The following RET variants were observed in gnomAD, a reference collection of about 807,000 sequenced individuals.
RET encodes the protein proto-oncogene tyrosine-protein kinase receptor Ret.
Under a neutral mutation model 118.3 loss-of-function variants are expected in RET, and 19 were observed. The ratio of observed to expected loss-of-function variants is 0.16; its 90% confidence interval spans 0.11 to 0.24. RET has a LOEUF of 0.24. RET is among the 10% of genes least tolerant of loss of function. The pLI is 1.00. For synonymous variants in RET, 597 were observed against 644.1 expected, an observed-to-expected ratio of 0.93 and a Z score of 1.11; for missense variants, 1,219 against 1,502.1, an observed-to-expected ratio of 0.81 and a Z score of 3.12.
chr10:43,118,656 C>T (rs931741073), intron 13 of RET, among the ~76,000 whole-genome samples, 176 bp downstream of exon 13: 4 of 152,220 alleles, frequency 2.6e-5, no homozygotes, highest in Non-Finnish European at 5.9e-5. Flanking sequence ...GCTGAGTCCA[C>T]GGGCTGAGTG....
In RET at chr10:43,130,155, T is replaced by G. The variant is rs1019095754; in HGVS notation, c.*1886T>G. ...TATAAAAGTCCCCATCCTTATTAGC[T>G]CTACTGGAATTTTCATACACGTAAA... On this transcript the variant is annotated 3_prime_UTR_variant, in exon 20 of 20. Coordinates refer to ENST00000355710, the MANE Select transcript of RET (RefSeq NM_020975.6). 1.3e-5 allele frequency: 5 copies of G among 397,288 alleles called. No homozygotes were observed. The highest frequency in any genetic ancestry group is 2.8e-4 in the South Asian group (2 of 7,244). 24.6% of individuals were successfully genotyped at this position (397,288 alleles called of 1,614,324 possible). A position where few individuals can be genotyped will look rare whatever the true frequency, so the allele number is the denominator to read the frequency against.
At chr10:43,091,843 A>G (rs1554816761) in intron 1 of RET, among the ~76,000 whole-genome samples, 41 of 136,018 alleles carry the variant, frequency 3.0e-4, no homozygotes, top group African/African-American at 1.1e-3. Flanking sequence ...AAAAAAAAAA[A>G]GAACCAGTGT....
intron 6 of RET, among the ~76,000 whole-genome samples, chr10:43,110,674 T>C (rs1275111988): frequency 6.6e-6 from 1 of 152,110 alleles, no homozygotes; most frequent in Non-Finnish European, 1.5e-5. Flanking sequence ...TGGTCCTGCA[T>C]GGGCTGGGGC....
intron 19 of RET, among the ~76,000 whole-genome samples, chr10:43,127,691 A>G (rs1312654577): frequency 2.0e-5 from 3 of 151,894 alleles, no homozygotes; most frequent in East Asian, 3.9e-4. Flanking sequence ...CTCGATTTGG[A>G]AGGTCCTCTT....
At chr10:43,105,982 C>T (rs901895177) in intron 4 of RET, among the ~76,000 whole-genome samples, 2 of 152,140 alleles carry the variant, frequency 1.3e-5, no homozygotes, top group African/African-American at 2.4e-5. Context: ...TCGGCTCTGC[C>T]GGCTGTTCCT....
At chr10:43,113,776 A>G in intron 10 of RET, 101 bp downstream of exon 10, 1 of 1,522,332 alleles carries the variant, frequency 6.6e-7, no homozygotes, top group Non-Finnish European at 8.9e-7. Context: ...CTGGGAGGCG[A>G]GTGGGCCCCA....
intron 17 of RET, 33 bp downstream of exon 17, chr10:43,123,841 T>A (rs372837550): frequency 1.8e-4 from 286 of 1,613,386 alleles, no homozygotes; most frequent in Non-Finnish European, 2.4e-4. Flanking sequence ...CCAGCCTCAC[T>A]TGGGAAGGGA....
chr10:43,121,720 C>T (rs1356654670), intron 15 of RET, among the ~76,000 whole-genome samples: 1 of 152,214 alleles, frequency 6.6e-6, no homozygotes, highest in Non-Finnish European at 1.5e-5. Context: ...CCCTGTGTGC[C>T]TGTGGGTGGG....
chr10:43,111,292 G>C lies in RET; in HGVS notation c.1349G>C (p.Ser450Thr), dbSNP rs2132768628. Residue 450 changes from serine (S) to threonine (T), a missense_variant, in exon 7 of 20, where the codon AGC (serine) becomes ACC (threonine). Physicochemically the swap from Ser to Thr is moderately conservative, Grantham distance 58. Around this residue, in one of 5 missense-constraint regions of RET, gnomAD observed 850 missense variants for 969.6 expected, o/e 0.88. Coordinates refer to ENST00000355710, the MANE Select transcript of RET (RefSeq NM_020975.6). ...CTGCATTCCTCTGGTGCCAACTGCA[G>C]CACGCTAGGGGTGGTCACCTCAGCC... ...YKLHSSGANC[S>T]TLGVVTSAED... 1 of 1,614,184 alleles carries C rather than the reference G, an allele frequency of 6.2e-7. No homozygotes were observed. Among genetic ancestry groups the C allele is most frequent in the South Asian group, 1.1e-5 (1 of 91,086 alleles).
intron 11 of RET, among the ~76,000 whole-genome samples, chr10:43,115,323 A>G (rs1438504050): frequency 2.6e-5 from 4 of 152,200 alleles, no homozygotes; most frequent in Non-Finnish European, 5.9e-5. Context: ...CCCAGTGGCC[A>G]CAGGGCCCTG....
chr10:43,084,022 T>C (rs1404610523), intron 1 of RET, among the ~76,000 whole-genome samples: 1 of 152,230 alleles, frequency 6.6e-6, no homozygotes, highest in Non-Finnish European at 1.5e-5. Context: ...TGGACTGTTG[T>C]CTGGCTTCAC....
At chr10:43,104,802 C>T in intron 3 of RET, 150 bp from the exon 4 acceptor site, 1 of 1,202,528 alleles carries the variant, frequency 8.3e-7, no homozygotes. Context: ...GTGCTCCGAG[C>T]GCTGCCCTCC....
In RET at chr10:43,081,705, TCCATGAC is replaced by T. The variant is rs541548464; in HGVS notation, c.73+4378_73+4384del. Among the ~76,000 whole-genome samples the T allele has an allele frequency of 9.2e-5, 14 of 152,044 alleles. No individual in the cohort carries two copies. The East Asian group carries it at 2.7e-3, about 29-fold the overall frequency. On this transcript the variant is annotated intron_variant, in intron 1 of 19. Coordinates refer to ENST00000355710, the MANE Select transcript of RET (RefSeq NM_020975.6). The stretch of plus-strand genomic sequence containing the variant: ...GGTCAAATGGGGAGGTCCCTTGGGG[TCCATGAC>T]CCAGGCACTGCACCCCTTGGGGCTG...
chr10:43,086,713 G>A (rs531652756), intron 1 of RET, among the ~76,000 whole-genome samples: 5 of 152,364 alleles, frequency 3.3e-5, no homozygotes, highest in South Asian at 2.1e-4. Flanking sequence ...CATAGAAGCC[G>A]GAAGCAACTG....
At position 43,126,931 on chromosome 10, in the gene RET, G is replaced by A. The variant is rs1161393872; in HGVS notation, c.3187+209G>A. 2.8e-6 allele frequency: 4 copies of A among 1,433,678 alleles called. No individual in the cohort carries two copies. In the African/African-American group the frequency reaches 5.7e-5, roughly 21 times the overall value. 88.8% of individuals were successfully genotyped at this position (1,433,678 alleles called of 1,614,324 possible). A position where few individuals can be genotyped will look rare whatever the true frequency, so the allele number is the denominator to read the frequency against. ...TTTTTCTAAAAGGATGTGAAAATAAGTGTAATTACCACATTGCCCAGCAAC... is the reference window on the plus strand; with the variant it reads ...TTTTTCTAAAAGGATGTGAAAATAAATGTAATTACCACATTGCCCAGCAAC... On this transcript the variant is annotated intron_variant, in intron 19 of 19. Transcript: ENST00000355710.
intron 19 of RET, chr10:43,127,446 A>G: frequency 9.5e-7 from 1 of 1,052,652 alleles, no homozygotes; most frequent in Non-Finnish European, 1.1e-6. Context: ...TACAATGGAC[A>G]GTAAATATGG....
At position 43,123,082 on chromosome 10, in the gene RET, C is replaced by T. The variant is rs138235262; in HGVS notation, c.2802-589C>T. ...CCTCTGGCTGCCCTCTGGTGTGCTCCGTGGTGTGCACATGTATGCTTTTTA... is the reference window on the plus strand; with the variant it reads ...CCTCTGGCTGCCCTCTGGTGTGCTCTGTGGTGTGCACATGTATGCTTTTTA... On this transcript the variant is annotated intron_variant, in intron 16 of 19. Transcript: ENST00000355710. 1.0e-3 allele frequency among the ~76,000 whole-genome samples: 158 copies of T among 152,276 alleles called. No homozygotes were observed. The Middle Eastern group carries it at 0.017, about 16-fold the overall frequency.
Position 43,102,434 on chromosome 10 carries a change from C to T in RET, c.430C>T (p.Arg144Cys), listed in dbSNP as rs1588863984. Reference sequence around the variant, plus strand: ...CGAGTGCCAGTGGCCAGGCTGTGCCCGCGTATACTTCTCCTTCTTCAACAC... The same window carrying T: ...CGAGTGCCAGTGGCCAGGCTGTGCCTGCGTATACTTCTCCTTCTTCAACAC... ...EGECQWPGCA[R>C]VYFSFFNTSF... Residue 144 changes from arginine (R) to cysteine (C), a missense_variant, in exon 3 of 20, where the codon CGC becomes TGC. Transcript: ENST00000355710. 4 of 1,614,136 alleles carry T rather than the reference C, an allele frequency of 2.5e-6. No homozygotes were observed. The highest frequency in any genetic ancestry group is 1.7e-5 in the Admixed American group (1 of 60,010).
chr10:43,126,435 T>C, intron 18 of RET, 140 bp from the exon 19 acceptor site: 1 of 822,706 alleles, frequency 1.2e-6, no homozygotes, highest in Non-Finnish European at 2.1e-6. Context: ...AGCCTGGCCC[T>C]GGTCTCTTGG....
Sources: allele counts gnomAD v4.1 joint callset (sites outside exome capture counted in the v4.1 genomes callset), GRCh38; gene constraint gnomAD v4.1.1; regional missense constraint gnomAD v4.1.1; transcripts MANE v1.5; gene names NCBI Gene and HGNC (gene_info 2026-07-23, HGNC 2026-07-21).